Variants in HNMT observed in about 807,000 individuals in gnomAD.
The protein encoded by HNMT is histamine N-methyltransferase.
In HNMT, 30 loss-of-function variants were observed where a neutral mutation model predicts 32.1. That is an observed-to-expected ratio of 0.93 (90% CI 0.70 to 1.27). The LOEUF is 1.27. Among genes scored for constraint, HNMT ranks in the 50% most tolerant of loss-of-function variants. The probability of loss-of-function intolerance (pLI) is 0.00; values close to 1 mark genes in which losing one functional copy is unlikely to be tolerated. For missense variants in HNMT, 327 were observed against 346.0 expected (o/e 0.95, Z 0.43); for synonymous variants, 125 against 119.0 (o/e 1.05, Z -0.33).
intron 2 of HNMT, among the ~76,000 whole-genome samples, chr2:137,987,463 T>C (rs749129441): frequency 6.6e-6 from 1 of 152,210 alleles, no homozygotes; most frequent in Non-Finnish European, 1.5e-5. Flanking sequence ...GTTTACTTTC[T>C]GCCATTATTT....
chr2:137,967,878 C>T (rs1378512778), intron 1 of HNMT, among the ~76,000 whole-genome samples: 1 of 152,170 alleles, frequency 6.6e-6, no homozygotes, highest in Non-Finnish European at 1.5e-5. Context: ...TCTGCTCTCT[C>T]TGCCTCTTTC....
chr2:138,007,905 G>A (rs1681376207), intron 5 of HNMT, among the ~76,000 whole-genome samples: 1 of 151,696 alleles, frequency 6.6e-6, no homozygotes, highest in African/African-American at 2.4e-5. Flanking sequence ...CGTTGAACCT[G>A]CTCTCATAAC....
At chr2:138,010,977 A>G (rs532092540) in intron 5 of HNMT, among the ~76,000 whole-genome samples, 1 of 152,016 alleles carries the variant, frequency 6.6e-6, no homozygotes, top group Non-Finnish European at 1.5e-5. Flanking sequence ...TGAGTAAGGA[A>G]GGAGGAAAAT....
In HNMT at chr2:137,989,318, A is replaced by G. The variant is rs375872620; in HGVS notation, c.191-11600A>G. Among the ~76,000 whole-genome samples, 21 of 152,262 alleles carry G rather than the reference A, an allele frequency of 1.4e-4. No individual in the cohort carries two copies. In the East Asian group the frequency reaches 3.7e-3, roughly 27 times the overall value. On this transcript the variant is annotated intron_variant, in intron 2 of 5. Transcript: ENST00000280097. ...TTTTCCAGAATGTCATCTAGTTGAAATCACACAGCATGTAACCTTTTCATA... is the reference window on the plus strand; with the variant it reads ...TTTTCCAGAATGTCATCTAGTTGAAGTCACACAGCATGTAACCTTTTCATA...
chr2:137,972,790 C>T (rs1680175188), intron 2 of HNMT, among the ~76,000 whole-genome samples: 1 of 152,046 alleles, frequency 6.6e-6, no homozygotes, highest in African/African-American at 2.4e-5. Context: ...AGAAGGCCTA[C>T]AAGAAAAAGT....
intron 2 of HNMT, 133 bp from the exon 3 acceptor site, chr2:138,000,769 TGCATCATGGCAGGGCA>T (rs1298491095): frequency 2.1e-6 from 1 of 471,250 alleles, no homozygotes; most frequent in Admixed American, 4.1e-5. Context: ...CTAGCTGCCC[TGCATCATGGCAGGGCA>T]GCAGTTGAAC....
chr2:137,971,109 T>G (rs1680122639), intron 2 of HNMT, among the ~76,000 whole-genome samples: 1 of 152,126 alleles, frequency 6.6e-6, no homozygotes. Flanking sequence ...ATGGGCCTAA[T>G]CTGTTCCCTT....
In HNMT at chr2:137,964,504, A is replaced by G; in HGVS notation, c.13A>G (p.Met5Val). Residue 5 changes from methionine (M) to valine (V), a missense_variant, in exon 1 of 6, where the codon ATG becomes GTG. Met to Val is a conservative substitution (Grantham distance 21, BLOSUM62 1). Coordinates refer to ENST00000280097, the MANE Select transcript of HNMT (RefSeq NM_006895.3). MASS[M>V]RSLFSDHGKY... The stretch of plus-strand genomic sequence containing the variant: ...CAGAAAACCAAATATGGCATCTTCC[A>G]TGAGGAGCTTGTTTTCTGACCACGG... 6.2e-7 allele frequency: 1 copy of G among 1,613,560 alleles called. No homozygotes were observed. The highest frequency in any genetic ancestry group is 8.5e-7 in the Non-Finnish European group (1 of 1,179,748).
At chr2:138,007,038 G>C (rs543500063) in intron 5 of HNMT, among the ~76,000 whole-genome samples, 1 of 152,024 alleles carries the variant, frequency 6.6e-6, no homozygotes, top group Non-Finnish European at 1.5e-5. Context: ...TAGCACAGGA[G>C]ACAGCTGTTC....
intron 2 of HNMT, among the ~76,000 whole-genome samples, chr2:137,998,834 G>A (rs1681073920): frequency 6.6e-6 from 1 of 152,162 alleles, no homozygotes; most frequent in South Asian, 2.1e-4. Context: ...TCGAATTTGA[G>A]ATCCTCATAA....
intron 1 of HNMT, among the ~76,000 whole-genome samples, chr2:137,966,886 T>C (rs1679973511): frequency 6.6e-6 from 1 of 152,202 alleles, no homozygotes; most frequent in Non-Finnish European, 1.5e-5. Flanking sequence ...TGATTCTATA[T>C]CTCATGCCTT....
chr2:137,994,169 G>C, intron 2 of HNMT, among the ~76,000 whole-genome samples: 1 of 152,090 alleles, frequency 6.6e-6, no homozygotes, highest in East Asian at 1.9e-4. Context: ...CACACATAAT[G>C]ATACTAACCT....
At chr2:137,977,521 T>G (rs1680322723) in intron 2 of HNMT, among the ~76,000 whole-genome samples, 1 of 152,112 alleles carries the variant, frequency 6.6e-6, no homozygotes, top group Non-Finnish European at 1.5e-5. Flanking sequence ...CAGCTTGATC[T>G]CTATTAACAA....
In HNMT at chr2:138,002,206, G is replaced by A; in HGVS notation, c.429+12G>A. ...TTCATATGATTCAAGTAAGAAATATGTATTATAATATATACTCAGAAAGAA... is the reference window on the plus strand; with the variant it reads ...TTCATATGATTCAAGTAAGAAATATATATTATAATATATACTCAGAAAGAA... On this transcript the variant is annotated intron_variant, in intron 4 of 5. Transcript: ENST00000280097. 2 of 1,483,982 alleles carry A rather than the reference G, an allele frequency of 1.3e-6. No homozygotes were observed. The highest frequency in any genetic ancestry group is 1.8e-6 in the Non-Finnish European group (2 of 1,084,710). The allele number at this position is 1,483,982 out of a possible 1,614,324, so 91.9% of individuals were successfully genotyped here. A position where few individuals can be genotyped will look rare whatever the true frequency, so the allele number is the denominator to read the frequency against.
chr2:137,978,551 T>C (rs1409291718), intron 2 of HNMT, among the ~76,000 whole-genome samples: 1 of 140,194 alleles, frequency 7.1e-6, no homozygotes, highest in Non-Finnish European at 1.5e-5. Context: ...TTAGATAATA[T>C]AGTATTATAC....
At chr2:138,008,219 T>C (rs1681386266) in intron 5 of HNMT, among the ~76,000 whole-genome samples, 1 of 152,042 alleles carries the variant, frequency 6.6e-6, no homozygotes, top group African/African-American at 2.4e-5. Flanking sequence ...TAGCTCCCAC[T>C]TATAATTGAG....
At chr2:137,982,355 T>C (rs949521355) in intron 2 of HNMT, among the ~76,000 whole-genome samples, 1 of 152,220 alleles carries the variant, frequency 6.6e-6, no homozygotes, top group Non-Finnish European at 1.5e-5. Context: ...ATGCCCTTCA[T>C]TGAATGTAAG....
intron 2 of HNMT, among the ~76,000 whole-genome samples, chr2:138,000,004 C>T (rs910567199): frequency 6.6e-6 from 1 of 152,014 alleles, no homozygotes; most frequent in Admixed American, 6.6e-5. Flanking sequence ...GTTTAAAACT[C>T]AAGTCCATCT....
chr2:138,002,959 G>A (rs1681222312), intron 4 of HNMT, among the ~76,000 whole-genome samples: 1 of 151,610 alleles, frequency 6.6e-6, no homozygotes, highest in South Asian at 2.1e-4. Context: ...ACTCATACAT[G>A]TTATAGAAAG....
Sources: allele counts gnomAD v4.1 joint callset (sites outside exome capture counted in the v4.1 genomes callset), GRCh38; gene constraint gnomAD v4.1.1; transcripts MANE v1.5; gene names NCBI Gene and HGNC (gene_info 2026-07-23, HGNC 2026-07-21).